Variants in MTRF1 observed in about 807,000 individuals in gnomAD.
MTRF1 encodes mitochondrial translation release factor 1.
A neutral mutation model predicts 62.9 loss-of-function variants in MTRF1; 51 were observed. The observed-to-expected ratio is 0.81, with a 90% CI of 0.65 to 1.02. The LOEUF (loss-of-function observed/expected upper bound fraction) is 1.02, where lower values mean the gene tolerates loss of function less well. MTRF1 is among the 50% of genes least tolerant of loss of function. MTRF1 has a pLI of 0.00. For synonymous variants in MTRF1, 158 were observed against 181.9 expected, an observed-to-expected ratio of 0.87 and a Z score of 1.06; for missense variants, 446 against 530.0, an observed-to-expected ratio of 0.84 and a Z score of 1.56.
intron 6 of MTRF1, among the ~76,000 whole-genome samples, chr13:41,234,298 C>G (rs1338780794): frequency 6.6e-6 from 1 of 152,182 alleles, no homozygotes; most frequent in South Asian, 2.1e-4. Flanking sequence ...CTGCCTCAGC[C>G]TGCTGAGTAG....
At chr13:41,218,842 T>TTTTGAGATTAAGATATATCTCAAA (rs766072513) in intron 9 of MTRF1, among the ~76,000 whole-genome samples, 40 of 152,316 alleles carry the variant, frequency 2.6e-4, no homozygotes, top group Non-Finnish European at 4.0e-4. Flanking sequence ...CAAATTAAGG[T>TTTTGAGATTAAGATATATCTCAAA]AAAGGATATA....
intron 5 of MTRF1, among the ~76,000 whole-genome samples, chr13:41,250,770 TACTG>T (rs1355878076): frequency 6.6e-6 from 1 of 152,176 alleles, no homozygotes; most frequent in East Asian, 1.9e-4. Flanking sequence ...CCAGCCTATT[TACTG>T]ACTATTTCTA....
upstream of MTRF1, among the ~76,000 whole-genome samples, chr13:41,263,736 G>A (rs961869853): frequency 6.7e-6 from 1 of 148,246 alleles, no homozygotes; most frequent in African/African-American, 2.5e-5. Context: ...GAATGAAATT[G>A]TCATCAGACA....
chr13:41,259,246 C>T (rs1051121695), intron 2 of MTRF1, among the ~76,000 whole-genome samples: 3 of 152,148 alleles, frequency 2.0e-5, no homozygotes, highest in Non-Finnish European at 4.4e-5. Flanking sequence ...ACCACATGAA[C>T]CAGCAATCTA....
At chr13:41,227,148 G>A (rs1417502082) in intron 7 of MTRF1, among the ~76,000 whole-genome samples, 5 of 152,070 alleles carry the variant, frequency 3.3e-5, no homozygotes, top group Admixed American at 6.5e-5. Context: ...TTAGCCAGGC[G>A]TGGTGGCATG....
At chr13:41,222,882 C>G (rs1412069948) in intron 9 of MTRF1, among the ~76,000 whole-genome samples, 1 of 152,158 alleles carries the variant, frequency 6.6e-6, no homozygotes, top group Non-Finnish European at 1.5e-5. Context: ...AGATTTCTGA[C>G]CTACAGAAAT....
At chr13:41,254,651 G>T (rs757844470) in intron 2 of MTRF1, 31 bp from the exon 3 acceptor site, 1 of 1,537,680 alleles carries the variant, frequency 6.5e-7, no homozygotes, top group South Asian at 1.1e-5. Context: ...TAATGATAAA[G>T]TTTTTAAATA....
At chr13:41,259,968 G>C (rs938868452) in intron 2 of MTRF1, among the ~76,000 whole-genome samples, 6 of 152,300 alleles carry the variant, frequency 3.9e-5, no homozygotes, top group Middle Eastern at 6.8e-3. Context: ...TGTAGGTACA[G>C]TGTTCAATAA....
chr13:41,264,291 T>C (rs1195755224), upstream of MTRF1, among the ~76,000 whole-genome samples: 1 of 152,234 alleles, frequency 6.6e-6, no homozygotes, highest in Non-Finnish European at 1.5e-5. Context: ...TATAATGTTC[T>C]TTGCACATGG....
At chr13:41,218,094 G>A (rs941678711) in intron 9 of MTRF1, among the ~76,000 whole-genome samples, 1 of 151,964 alleles carries the variant, frequency 6.6e-6, no homozygotes, top group African/African-American at 2.4e-5. Context: ...TTGAATCTAG[G>A]TATAGTCTAT....
chr13:41,300,479 G>A, the MTRF1 span, among the ~76,000 whole-genome samples: 7 of 151,868 alleles, frequency 4.6e-5, no homozygotes, highest in East Asian at 1.9e-4. Flanking sequence ...CCAGCTACTC[G>A]GGAGGCTGAG....
chr13:41,311,129 A>G, the MTRF1 span: 1 of 286,656 alleles, frequency 3.5e-6, no homozygotes, highest in East Asian at 9.0e-5. Flanking sequence ...GATTGCGGCG[A>G]GGAGAGCCGC....
the MTRF1 span, among the ~76,000 whole-genome samples, chr13:41,284,527 C>T: frequency 2.9e-5 from 4 of 139,894 alleles, no homozygotes; most frequent in Non-Finnish European, 3.1e-5. Flanking sequence ...CTGGGTGACA[C>T]AGTGAGACCG....
chr13:41,267,195 A>G (rs2040851135), upstream of MTRF1, among the ~76,000 whole-genome samples: 1 of 151,792 alleles, frequency 6.6e-6, no homozygotes, highest in African/African-American at 2.4e-5. Flanking sequence ...AAGAAACTGG[A>G]TCCTTAGCCC....
the MTRF1 span, among the ~76,000 whole-genome samples, chr13:41,311,837 C>T: frequency 5.3e-5 from 8 of 152,264 alleles, no homozygotes; most frequent in African/African-American, 1.9e-4. Context: ...TTTCCAGAAA[C>T]TTCACGCCGC....
At chr13:41,247,637 C>G (rs1209265556) in intron 5 of MTRF1, among the ~76,000 whole-genome samples, 1 of 152,164 alleles carries the variant, frequency 6.6e-6, no homozygotes, top group Non-Finnish European at 1.5e-5. Flanking sequence ...TCTCCACAAT[C>G]CCTCCAGAAC....
At chr13:41,235,492 G>C (rs1313953079) in intron 6 of MTRF1, 1 of 152,154 alleles carries the variant, frequency 6.6e-6, no homozygotes, top group Non-Finnish European at 1.5e-5. Flanking sequence ...TTCGGAAAAA[G>C]GTTCTTTGCA....
intron 6 of MTRF1, 31 bp from the exon 7 acceptor site, chr13:41,234,038 C>A: frequency 6.9e-7 from 1 of 1,447,070 alleles, no homozygotes; most frequent in East Asian, 2.3e-5. Flanking sequence ...TAATTCTACA[C>A]TCCGTGAATA....
rs753826506 is a variant in MTRF1 at position 41,240,420 on chromosome 13, A to T, written c.711T>A (p.His237Gln). 2.0e-5 allele frequency: 32 copies of T among 1,613,570 alleles called. No individual in the cohort carries two copies. The East Asian group carries it at 3.3e-4, about 17-fold the overall frequency. ...YTPADYGGLH[H>Q]AAARISGDGV... ...CGTCACCGGAAATTCGGGCGGCTGC[A>T]TGATGTAGTCCACCTAGGGGAACAA... The change falls in exon 6 of 10, where the codon CAT (histidine) becomes CAA (glutamine). Residue 237 changes from histidine to glutamine, a missense_variant. Physicochemically the swap from His to Gln is conservative, Grantham distance 24. Transcript: ENST00000379480.
Sources: gnomAD v4.1 joint callset for allele counts (sites outside exome capture counted in the v4.1 genomes callset) on GRCh38, gnomAD v4.1.1 for gene constraint, MANE v1.5 for transcripts, NCBI Gene and HGNC (gene_info 2026-07-23, HGNC 2026-07-21) for gene names.